The following PKD1L1 variants were observed in gnomAD, a reference collection of about 807,000 sequenced individuals.
PKD1L1 encodes the protein polycystin 1 like 1, transient receptor potential channel interacting.
In PKD1L1, 236 loss-of-function variants were observed where a neutral mutation model predicts 323.4. That is an observed-to-expected ratio of 0.73 (90% CI 0.66 to 0.81). The LOEUF is 0.81. Among genes scored for constraint, PKD1L1 ranks in the 40% least tolerant of loss-of-function variants. The pLI, the probability that PKD1L1 is intolerant of heterozygous loss-of-function variation, is 0.00. For synonymous variants in PKD1L1, 1,344 were observed against 1,335.0 expected (o/e 1.01, Z -0.15); for missense variants, 3,320 against 3,508.0 (o/e 0.95, Z 1.35).
At chr7:47,819,118 T>C (rs943140347) in intron 46 of PKD1L1, among the ~76,000 whole-genome samples, 2 of 152,276 alleles carry the variant, frequency 1.3e-5, no homozygotes, top group Middle Eastern at 3.4e-3. Flanking sequence ...GGATTAGGTA[T>C]TGGGGGCTAG....
At chr7:47,779,940 A>C (rs1438928991) in intron 56 of PKD1L1, among the ~76,000 whole-genome samples, 2 of 152,256 alleles carry the variant, frequency 1.3e-5, no homozygotes, top group Non-Finnish European at 2.9e-5. Context: ...TTGCTAGGAA[A>C]AATAATTAAT....
intron 4 of PKD1L1, 79 bp downstream of exon 4, chr7:47,936,767 C>T: frequency 8.7e-7 from 1 of 1,144,694 alleles, no homozygotes; most frequent in East Asian, 2.4e-5. Flanking sequence ...TCGACTTTCA[C>T]ATCTGAGCAA....
At chr7:47,943,083 T>C (rs1788021775) in intron 2 of PKD1L1, among the ~76,000 whole-genome samples, 1 of 148,230 alleles carries the variant, frequency 6.7e-6, no homozygotes. Flanking sequence ...GAGGCAGAGC[T>C]TGCAGTGAGC....
intron 56 of PKD1L1, among the ~76,000 whole-genome samples, chr7:47,777,645 G>C (rs1036226384): frequency 6.6e-6 from 1 of 152,208 alleles, no homozygotes; most frequent in African/African-American, 2.4e-5. Context: ...AGGCAAGTGT[G>C]AAGTGTGAGA....
At position 47,902,429 on chromosome 7, in the gene PKD1L1, C is replaced by G. The variant is rs867303375; in HGVS notation, c.2014G>C (p.Glu672Gln). The change falls in exon 13 of 57, where the codon GAG (glutamate) becomes CAG (glutamine). Residue 672 changes from glutamate (E) to glutamine (Q), a missense_variant. Physicochemically the swap from Glu to Gln is conservative, Grantham distance 29 (BLOSUM62 2). Transcript: ENST00000289672. ...TTCACCAGGGGTGGCTGGCAGGGCTCGCACACGATGAAAAGTTGCTGTCTT... is the reference window on the plus strand; with the variant it reads ...TTCACCAGGGGTGGCTGGCAGGGCTGGCACACGATGAAAAGTTGCTGTCTT... ...TLRQQLFIVC[E>Q]PCQPPLVKNM... is the part of the protein sequence containing the mutation. 1.9e-6 allele frequency: 3 copies of G among 1,614,160 alleles called. No individual in the cohort carries two copies. Among genetic ancestry groups the G allele is most frequent in the Admixed American group, 1.7e-5 (1 of 60,014 alleles).
intron 7 of PKD1L1, 133 bp from the exon 8 acceptor site, chr7:47,915,732 G>A (rs570434034): frequency 3.7e-6 from 2 of 538,006 alleles, no homozygotes; most frequent in South Asian, 3.0e-5. Flanking sequence ...AATTAAGGAA[G>A]GAAAAAGAAA....
the PKD1L1 span, among the ~76,000 whole-genome samples, chr7:47,953,743 A>G: frequency 6.6e-6 from 1 of 152,224 alleles, no homozygotes; most frequent in African/African-American, 2.4e-5. Flanking sequence ...GTGAAGTGTT[A>G]ATGAGGAAGT....
intron 48 of PKD1L1, among the ~76,000 whole-genome samples, 173 bp downstream of exon 48, chr7:47,813,758 G>GGGAA (rs1247790734): frequency 6.6e-5 from 10 of 152,214 alleles, no homozygotes; most frequent in African/African-American, 2.4e-4. Context: ...GTTCATAAAG[G>GGGAA]GGAAGGAAGG....
At chr7:47,903,848 C>A (rs1315607924) in intron 12 of PKD1L1, among the ~76,000 whole-genome samples, 1 of 152,212 alleles carries the variant, frequency 6.6e-6, no homozygotes, top group African/African-American at 2.4e-5. Flanking sequence ...TGCACCTTAT[C>A]ATATCTCCAC....
At chr7:47,911,116 G>GT (rs1787313538) in intron 8 of PKD1L1, among the ~76,000 whole-genome samples, 1 of 152,174 alleles carries the variant, frequency 6.6e-6, no homozygotes, top group African/African-American at 2.4e-5. Context: ...GGAGGTGACT[G>GT]GATGATGGGA....
In PKD1L1 at chr7:47,886,535, G is replaced by A. The variant is rs150270727; in HGVS notation, c.2837-481C>T. On this transcript the variant is annotated intron_variant, in intron 17 of 56. Transcript: ENST00000289672. ...GGTGGGAGGTGTTTAGATCATGGGG[G>A]TGGATCCCTCACCAATGACTTAGTG... Among the ~76,000 whole-genome samples, 16 of 152,270 alleles carry A rather than the reference G, an allele frequency of 1.1e-4. No homozygotes were observed. In the East Asian group the frequency reaches 2.7e-3, roughly 26 times the overall value.
chr7:47,824,630 GCCTTTC>G (rs1429247318), intron 45 of PKD1L1, among the ~76,000 whole-genome samples: 1 of 152,128 alleles, frequency 6.6e-6, no homozygotes, highest in African/African-American at 2.4e-5. Context: ...TGCCTGGATT[GCCTTTC>G]CCTTGTTTTA....
In PKD1L1 at chr7:47,793,072, A is replaced by C. The variant is rs140029206; in HGVS notation, c.8356-275T>G. Among the ~76,000 whole-genome samples, 269 of 138,452 alleles carry C rather than the reference A, an allele frequency of 1.9e-3. 2 individuals carry two copies. Among genetic ancestry groups the C allele is most frequent in the African/African-American group, 6.5e-3 (257 of 39,758 alleles). The allele number at this position is 138,452 out of a possible 152,430, so 90.8% of individuals were successfully genotyped here. A position where few individuals can be genotyped will look rare whatever the true frequency, so the allele number is the denominator to read the frequency against. On this transcript the variant is annotated intron_variant, in intron 55 of 56. Transcript: ENST00000289672. The stretch of plus-strand genomic sequence containing the variant: ...TAAAAAAAACTATTGAATGGATTTA[A>C]AGGCAGTAATGCATCATGCTGCTAT...
the PKD1L1 span, among the ~76,000 whole-genome samples, chr7:47,958,238 A>G: frequency 6.6e-6 from 1 of 152,234 alleles, no homozygotes; most frequent in African/African-American, 2.4e-5. Flanking sequence ...TACTGGTATA[A>G]AAACAGATAG....
chr7:47,776,910 G>C (rs967390978), intron 56 of PKD1L1, among the ~76,000 whole-genome samples: 31 of 151,600 alleles, frequency 2.0e-4, no homozygotes, highest in African/African-American at 7.3e-4. Context: ...TATTTTTTTT[G>C]AGAAGGAGTC....
At chr7:47,886,098 A>G (rs1456746741) in intron 17 of PKD1L1, 44 bp from the exon 18 acceptor site, 2 of 1,555,606 alleles carry the variant, frequency 1.3e-6, no homozygotes, top group Admixed American at 2.0e-5. Context: ...CAGCAAAAAT[A>G]TAAAATATTT....
At chr7:47,852,020 T>C (rs1785792400) in intron 31 of PKD1L1, among the ~76,000 whole-genome samples, 1 of 152,234 alleles carries the variant, frequency 6.6e-6, no homozygotes, top group African/African-American at 2.4e-5. Context: ...TGAATTAATG[T>C]TGATTTCTTT....
At chr7:47,905,622 C>T (rs1331555382) in intron 10 of PKD1L1, among the ~76,000 whole-genome samples, 2 of 152,172 alleles carry the variant, frequency 1.3e-5, no homozygotes, top group Non-Finnish European at 2.9e-5. Flanking sequence ...ATAACAGTCC[C>T]GATAACCCAC....
Position 47,882,019 on chromosome 7 carries a change from T to C in PKD1L1, c.3332A>G (p.Asp1111Gly), listed in dbSNP as rs779312977. ...AGACAGGGAGGGGTCCACCAGGTTA[T>C]CCCCATCTCCAGGGCTCTCCTCGGC... ...LSAEESPGDG[D>G]NLVDPSLSAG... The change falls in exon 20 of 57, where the codon GAT (aspartate) becomes GGT (glycine). Residue 1111 changes from aspartate (D) to glycine (G), a missense_variant. By Grantham distance (94) the Asp-to-Gly change is moderately conservative (BLOSUM62 -1). Coordinates refer to ENST00000289672, the MANE Select transcript of PKD1L1 (RefSeq NM_138295.5). 4.3e-6 allele frequency: 7 copies of C among 1,614,042 alleles called. No individual in the cohort carries two copies. The highest frequency in any genetic ancestry group is 5.9e-6 in the Non-Finnish European group (7 of 1,179,980).
Sources: gnomAD v4.1 joint callset for allele counts (sites outside exome capture counted in the v4.1 genomes callset) on GRCh38, gnomAD v4.1.1 for gene constraint, MANE v1.5 for transcripts, NCBI Gene and HGNC (gene_info 2026-07-23, HGNC 2026-07-21) for gene names.